The following AK5 variants were observed in gnomAD, a reference collection of about 807,000 sequenced individuals.
AK5 encodes the protein adenylate kinase 5.
A neutral mutation model predicts 69.5 loss-of-function variants in AK5; 27 were observed. The observed-to-expected ratio is 0.39, with a 90% CI of 0.29 to 0.54. The LOEUF (loss-of-function observed/expected upper bound fraction) is 0.54. Ranked by LOEUF, AK5 falls within the 20% of genes least tolerant of loss-of-function variation. AK5 has a pLI of 0.71. For missense variants in AK5, 531 were observed against 700.4 expected (o/e 0.76, Z 2.73); for synonymous variants, 260 against 244.4 (o/e 1.06, Z -0.60).
At chr1:77,411,123 G>A (rs2100569999) in intron 7 of AK5, 52 bp downstream of exon 7, 1 of 1,483,238 alleles carries the variant, frequency 6.7e-7, no homozygotes, top group Admixed American at 1.9e-5. Context: ...CCTGCCAAAT[G>A]TCTGGGGCTT....
chr1:77,439,136 AAGAG>A, intron 8 of AK5, among the ~76,000 whole-genome samples: 1 of 152,054 alleles, frequency 6.6e-6, no homozygotes, highest in Non-Finnish European at 1.5e-5. Flanking sequence ...AATCCTAAAT[AAGAG>A]AGAGAGAGAC....
intron 8 of AK5, among the ~76,000 whole-genome samples, chr1:77,431,679 C>T (rs1055434054): frequency 1.3e-5 from 2 of 152,120 alleles, no homozygotes; most frequent in Non-Finnish European, 2.9e-5. Flanking sequence ...ATATTTGATC[C>T]TAGCAAATTG....
chr1:77,292,643 C>G (rs1658757174), intron 2 of AK5, among the ~76,000 whole-genome samples: 1 of 152,160 alleles, frequency 6.6e-6, no homozygotes, highest in Admixed American at 6.5e-5. Context: ...AGACCATCTC[C>G]CTGGTTTGGA....
At chr1:77,483,245 G>A (rs993194626) in intron 8 of AK5, 72 bp from the exon 9 acceptor site, 4 of 1,066,498 alleles carry the variant, frequency 3.8e-6, no homozygotes, top group Non-Finnish European at 5.9e-6. Flanking sequence ...AGTTCAAGTA[G>A]GCCAGTGTTG....
At chr1:77,347,413 A>G (rs1476765292) in intron 6 of AK5, among the ~76,000 whole-genome samples, 1 of 150,624 alleles carries the variant, frequency 6.6e-6, no homozygotes, top group Non-Finnish European at 1.5e-5. Context: ...AGAGCTGCCA[A>G]GATGGTGCCG....
At chr1:77,509,338 A>G (rs531869927) in intron 10 of AK5, among the ~76,000 whole-genome samples, 1 of 152,278 alleles carries the variant, frequency 6.6e-6, no homozygotes, top group East Asian at 1.9e-4. Flanking sequence ...ACTAATAAAG[A>G]TGTTGTCTTT....
At chr1:77,555,999 T>C (rs1448923336) in intron 13 of AK5, among the ~76,000 whole-genome samples, 2 of 152,246 alleles carry the variant, frequency 1.3e-5, no homozygotes, top group Non-Finnish European at 2.9e-5. Flanking sequence ...AACCTGTAGC[T>C]GGACAGACAA....
chr1:77,427,390 A>T (rs956713569), intron 8 of AK5, among the ~76,000 whole-genome samples: 3 of 152,168 alleles, frequency 2.0e-5, no homozygotes, highest in Non-Finnish European at 2.9e-5. Context: ...CACGAATTTG[A>T]TATGAAATGG....
intron 6 of AK5, 120 bp downstream of exon 6, chr1:77,340,688 A>G (rs1661610178): frequency 1.4e-6 from 1 of 714,668 alleles, no homozygotes; most frequent in Admixed American, 3.4e-5. Context: ...GGGGTACAGA[A>G]CCAATGGAAA....
intron 13 of AK5, among the ~76,000 whole-genome samples, chr1:77,555,109 C>A (rs1283786934): frequency 6.6e-6 from 1 of 151,876 alleles, no homozygotes; most frequent in Non-Finnish European, 1.5e-5. Context: ...GGTGAAACCC[C>A]ATCTCTACTA....
chr1:77,518,522 C>T, intron 10 of AK5, 42 bp from the exon 11 acceptor site: 7 of 1,598,994 alleles, frequency 4.4e-6, no homozygotes, highest in Non-Finnish European at 5.1e-6. Context: ...AAATGAGGCA[C>T]CAGACTTGGA....
intron 6 of AK5, among the ~76,000 whole-genome samples, chr1:77,380,203 G>A (rs1268676909): frequency 3.3e-5 from 5 of 152,220 alleles, no homozygotes; most frequent in Non-Finnish European, 7.3e-5. Flanking sequence ...AGCCCTGGAG[G>A]TTGGAAGGAT....
intron 5 of AK5, among the ~76,000 whole-genome samples, chr1:77,318,720 T>A (rs1660371234): frequency 6.6e-6 from 1 of 151,998 alleles, no homozygotes; most frequent in South Asian, 2.1e-4. Context: ...GTGGGTCTTT[T>A]TTTTTTTCTG....
chr1:77,513,079 T>C (rs1374896872), intron 10 of AK5, among the ~76,000 whole-genome samples: 1 of 152,192 alleles, frequency 6.6e-6, no homozygotes, highest in East Asian at 1.9e-4. Context: ...CCAGTGTTGA[T>C]TGTCAGATCA....
At chr1:77,369,676 A>C (rs189301440) in intron 6 of AK5, among the ~76,000 whole-genome samples, 1 of 152,330 alleles carries the variant, frequency 6.6e-6, no homozygotes, top group African/African-American at 2.4e-5. Flanking sequence ...AGTATAGAAA[A>C]ATGGTAAATG....
intron 8 of AK5, among the ~76,000 whole-genome samples, chr1:77,420,982 A>G (rs1308593815): frequency 6.6e-6 from 1 of 152,240 alleles, no homozygotes; most frequent in Non-Finnish European, 1.5e-5. Flanking sequence ...GCAGTAAAAC[A>G]TCATATGTGG....
At chr1:77,340,637 C>A in intron 6 of AK5, 69 bp downstream of exon 6, 1 of 1,439,472 alleles carries the variant, frequency 6.9e-7, no homozygotes, top group Non-Finnish European at 9.5e-7. Flanking sequence ...AGCCCATGTT[C>A]TCATGTAGAA....
chr1:77,556,075 C>G (rs1051738926), intron 13 of AK5, among the ~76,000 whole-genome samples: 1 of 152,158 alleles, frequency 6.6e-6, no homozygotes, highest in Non-Finnish European at 1.5e-5. Context: ...GGAAAAAGAA[C>G]TTTAAAAAAA....
At chr1:77,482,515 G>A (rs959164384) in intron 8 of AK5, among the ~76,000 whole-genome samples, 5 of 152,160 alleles carry the variant, frequency 3.3e-5, no homozygotes, top group Non-Finnish European at 7.3e-5. Flanking sequence ...GCTCATGTCT[G>A]TAATCCCAGC....
Sources: allele counts gnomAD v4.1 joint callset (sites outside exome capture counted in the v4.1 genomes callset), GRCh38; gene constraint gnomAD v4.1.1; transcripts MANE v1.5; gene names NCBI Gene and HGNC (gene_info 2026-07-23, HGNC 2026-07-21).